The following DNAH3 variants were observed in gnomAD, a reference collection of about 807,000 sequenced individuals.
DNAH3 encodes dynein axonemal heavy chain 3, also known as axonemal beta dynein heavy chain 3.
DNAH3 carries 332 observed loss-of-function variants against 432.5 expected under a neutral mutation model. That is an observed-to-expected ratio of 0.77 (90% CI 0.70 to 0.84). The LOEUF (loss-of-function observed/expected upper bound fraction) is 0.84. DNAH3 is among the 40% of genes least tolerant of loss of function. DNAH3 has a pLI of 0.00. For synonymous variants in DNAH3, 1,956 were observed against 1,900.2 expected, an observed-to-expected ratio of 1.03 and a Z score of -0.76; for missense variants, 4,861 against 5,114.0, an observed-to-expected ratio of 0.95 and a Z score of 1.51.
At position 21,112,054 on chromosome 16, in the gene DNAH3, G is replaced by A. The variant is rs147593772; in HGVS notation, c.1859C>T (p.Thr620Met). 112 of 1,613,476 alleles carry A rather than the reference G, an allele frequency of 6.9e-5. No individual in the cohort carries two copies. Among genetic ancestry groups the A allele is most frequent in the African/African-American group, 4.7e-4 (35 of 74,896 alleles). ...GAACGCAGCGATGTTTTGCTCTGCC[G>A]TGTTATCCAATAAGTCAACATACTT... Residue 620 changes from threonine (T) to methionine (M), a missense_variant, in exon 13 of 62, where the codon ACG becomes ATG. Transcript: ENST00000261383.
intron 51 of DNAH3, 103 bp from the exon 52 acceptor site, chr16:20,970,093 C>T: frequency 9.1e-7 from 1 of 1,097,516 alleles, no homozygotes; most frequent in Non-Finnish European, 1.4e-6. Context: ...AGAGGTGCTT[C>T]CTCTTCCAGA....
intron 51 of DNAH3, among the ~76,000 whole-genome samples, chr16:20,971,226 A>AAC (rs984045847): frequency 4.0e-5 from 6 of 151,858 alleles, no homozygotes; most frequent in South Asian, 2.1e-4. Context: ...AAGAGCAGGG[A>AAC]ACTAACTTTG....
intron 1 of DNAH3, among the ~76,000 whole-genome samples, chr16:21,147,037 G>A (rs2092793778): frequency 6.6e-6 from 1 of 151,966 alleles, no homozygotes; most frequent in South Asian, 2.1e-4. Context: ...TGGGATTACA[G>A]GCATGAGCCA....
At chr16:20,982,752 C>A in exon 49 of DNAH3, 1 of 1,614,150 alleles carries the variant, frequency 6.2e-7, no homozygotes, top group Non-Finnish European at 8.5e-7. Flanking sequence ...AGCTCCACAT[C>A]CTCTAGAAAT....
exon 4 of DNAH3, chr16:21,141,312 T>G: frequency 6.3e-7 from 1 of 1,588,774 alleles, no homozygotes; most frequent in Non-Finnish European, 8.6e-7. Context: ...AGTGGAATCC[T>G]CTTTGTTTCT....
At chr16:21,103,397 C>CTTTGTACT (rs1231922591) in intron 16 of DNAH3, among the ~76,000 whole-genome samples, 1 of 150,786 alleles carries the variant, frequency 6.6e-6, no homozygotes, top group Non-Finnish European at 1.5e-5. Flanking sequence ...TATGGGAATT[C>CTTTGTACT]TTTGTACTTT....
intron 28 of DNAH3, among the ~76,000 whole-genome samples, chr16:21,052,688 G>A (rs1336327936): frequency 6.6e-6 from 1 of 152,218 alleles, no homozygotes; most frequent in African/African-American, 2.4e-5. Flanking sequence ...ATATGAAAAT[G>A]TTATACAGGT....
At chr16:21,105,733 C>T (rs886247516) in intron 15 of DNAH3, among the ~76,000 whole-genome samples, 7 of 151,880 alleles carry the variant, frequency 4.6e-5, no homozygotes, top group Non-Finnish European at 8.8e-5. Flanking sequence ...CACTGCACTA[C>T]AGCCTGGATG....
At chr16:21,035,096 G>GATA (rs2089096322) in intron 35 of DNAH3, among the ~76,000 whole-genome samples, 1 of 152,214 alleles carries the variant, frequency 6.6e-6, no homozygotes, top group African/African-American at 2.4e-5. Context: ...GGAGGTCAAG[G>GATA]TGGGGGGATC....
chr16:20,997,308 G>C lies in DNAH3; in HGVS notation c.6576C>G (p.Pro2192=), dbSNP rs748557479. ...CAGTAATGTCATTCCTTCCTCCCCC[G>C]GGGGGCCCCATGGCTGTCACGAGCA... The change falls in exon 44 of 62, where the codon CCC becomes CCG. Residue 2192 remains proline (P), a synonymous_variant. Transcript: ENST00000261383. The C allele has an allele frequency of 3.7e-5, 60 of 1,613,722 alleles. 1 individual carries two copies. In the East Asian group the frequency reaches 5.3e-4, roughly 14 times the overall value.
At chr16:21,104,582 T>C (rs777255146) in intron 15 of DNAH3, 1 of 1,593,742 alleles carries the variant, frequency 6.3e-7, no homozygotes, top group Non-Finnish European at 8.6e-7. Flanking sequence ...GCTGTTCAAT[T>C]TGATGTCCTC....
At chr16:21,051,535 G>T in intron 29 of DNAH3, 135 bp downstream of exon 29, 1 of 871,622 alleles carries the variant, frequency 1.1e-6, no homozygotes, top group Non-Finnish European at 1.8e-6. Context: ...GCCCATCTTT[G>T]GGACTATGGA....
intron 44 of DNAH3, 66 bp from the exon 45 acceptor site, chr16:20,988,131 T>A: frequency 6.3e-7 from 1 of 1,593,266 alleles, no homozygotes; most frequent in Non-Finnish European, 8.5e-7. Flanking sequence ...TCTGTGACCC[T>A]AGGATGCACA....
At chr16:21,141,890 A>C (rs1281218046) in intron 3 of DNAH3, among the ~76,000 whole-genome samples, 1 of 151,426 alleles carries the variant, frequency 6.6e-6, no homozygotes, top group Non-Finnish European at 1.5e-5. Flanking sequence ...ATCTCTACTG[A>C]AAAATACAAA....
intron 20 of DNAH3, among the ~76,000 whole-genome samples, 169 bp from the exon 21 acceptor site, chr16:21,075,730 T>C (rs776651359): frequency 1.3e-5 from 2 of 151,678 alleles, no homozygotes; most frequent in Admixed American, 1.3e-4. Flanking sequence ...CTGGGCAATA[T>C]AGCAAAACCC....
At chr16:20,995,824 T>C (rs1055289284) in intron 44 of DNAH3, among the ~76,000 whole-genome samples, 2 of 152,222 alleles carry the variant, frequency 1.3e-5, no homozygotes, top group African/African-American at 4.8e-5. Context: ...GTCACTGCAG[T>C]CACTAGTTTC....
At position 21,027,055 on chromosome 16, in the gene DNAH3, C is replaced by G. The variant is rs1420999638; in HGVS notation, c.5512G>C (p.Glu1838Gln). The change falls in exon 38 of 62, where the codon GAG becomes CAG. Residue 1838 changes from glutamate (E) to glutamine (Q), a missense_variant. Physicochemically the swap from Glu to Gln is conservative, Grantham distance 29 (BLOSUM62 2). Transcript: ENST00000261383. ...CTCACAGTGGCTGGAGAGGCTTGCT[C>G]GAGGTCGGCGGGCTCGAAGATCAGG... is the stretch of plus-strand genomic sequence containing the variant. The G allele has an allele frequency of 4.3e-6, 7 of 1,613,464 alleles. No individual in the cohort carries two copies. The highest frequency in any genetic ancestry group is 5.9e-6 in the Non-Finnish European group (7 of 1,179,874).
intron 32 of DNAH3, among the ~76,000 whole-genome samples, chr16:21,040,510 T>C (rs1168254381): frequency 6.6e-6 from 1 of 151,594 alleles, no homozygotes; most frequent in African/African-American, 2.4e-5. Flanking sequence ...GGATTACAGG[T>C]GCCCAACACC....
chr16:21,151,061 C>T (rs1286047789), intron 1 of DNAH3, among the ~76,000 whole-genome samples: 2 of 152,148 alleles, frequency 1.3e-5, no homozygotes, highest in Admixed American at 6.5e-5. Flanking sequence ...CCTTTGGAGA[C>T]GTCGAAAAGC....
Sources: gnomAD v4.1 joint callset for allele counts (sites outside exome capture counted in the v4.1 genomes callset) on GRCh38, gnomAD v4.1.1 for gene constraint, MANE v1.5 for transcripts, NCBI Gene and HGNC (gene_info 2026-07-23, HGNC 2026-07-21) for gene names.